The following MTHFD1L variants were observed in gnomAD, a reference collection of about 807,000 sequenced individuals.
The protein encoded by MTHFD1L is monofunctional C1-tetrahydrofolate synthase, mitochondrial.
A neutral mutation model predicts 119.5 loss-of-function variants in MTHFD1L; 81 were observed. That is an observed-to-expected ratio of 0.68 (90% confidence interval 0.57 to 0.82). The LOEUF (loss-of-function observed/expected upper bound fraction) is 0.82, where lower values mean the gene tolerates loss of function less well. Ranked by LOEUF, MTHFD1L falls within the 40% of genes least tolerant of loss-of-function variation. The pLI is 0.00. For missense variants in MTHFD1L, 1,125 were observed against 1,253.4 expected (o/e 0.90, Z 1.55); for synonymous variants, 430 against 475.2 (o/e 0.90, Z 1.24).
chr6:150,918,526 T>C (rs775526496), intron 8 of MTHFD1L, 51 bp from the exon 9 acceptor site: 4 of 1,262,400 alleles, frequency 3.2e-6, no homozygotes, highest in Admixed American at 3.4e-5. Context: ...AGCAATTGGT[T>C]AGAAATGACA....
intron 24 of MTHFD1L, among the ~76,000 whole-genome samples, chr6:151,031,654 C>T (rs1370328698): frequency 6.6e-6 from 1 of 152,102 alleles, no homozygotes; most frequent in Non-Finnish European, 1.5e-5. Context: ...TATTTTTTGA[C>T]CTTATTTATA....
chr6:150,882,441 A>G lies in MTHFD1L; in HGVS notation c.418-321A>G, dbSNP rs574474635. 8.2e-4 allele frequency among the ~76,000 whole-genome samples: 125 copies of G among 152,342 alleles called. 1 individual carries two copies. Among genetic ancestry groups the G allele is most frequent in the African/African-American group, 2.9e-3 (119 of 41,586 alleles). On this transcript the variant is annotated intron_variant, in intron 4 of 27. Transcript: ENST00000367321. ...GTTGACAGAGAAGTGTCCTTTGTCT[A>G]TCTAAACCTTAATAGCTGTTGAGCT...
intron 23 of MTHFD1L, 134 bp from the exon 24 acceptor site, chr6:151,015,382 C>A: frequency 2.0e-6 from 2 of 993,570 alleles, no homozygotes; most frequent in Non-Finnish European, 2.9e-6. Context: ...TTTATTTAAA[C>A]ACGATGTGAC....
rs187595792 is a variant in MTHFD1L at position 151,037,412 on chromosome 6, A to G, written c.2847+295A>G. On this transcript the variant is annotated intron_variant, in intron 26 of 27. Coordinates refer to ENST00000367321, the MANE Select transcript of MTHFD1L (RefSeq NM_015440.5). The stretch of plus-strand genomic sequence containing the variant: ...GAATTCAGTCTGTTATTTAAATGGT[A>G]GAATGGCTTAAGACAGTGGTTGTCA... Among the ~76,000 whole-genome samples, 132 of 152,302 alleles carry G rather than the reference A, an allele frequency of 8.7e-4. 2 individuals carry two copies. The Middle Eastern group carries it at 0.041, about 47-fold the overall frequency.
rs1243561411 is a variant in MTHFD1L, at chr6:151,013,829, A to T, written c.2307+9A>T. ...AAGAATATACAGAGGAGGTAAGAGG[A>T]GCTGTTTAGATGCTTATGTGAAGAA... is the stretch of plus-strand genomic sequence containing the variant. On this transcript the variant is annotated intron_variant, in intron 22 of 27. Transcript: ENST00000367321. The T allele has an allele frequency of 6.2e-7, 1 of 1,609,460 alleles. No homozygotes were observed. The highest frequency in any genetic ancestry group is 8.5e-7 in the Non-Finnish European group (1 of 1,176,660).
rs754017330 is a variant in MTHFD1L at position 150,922,245 on chromosome 6, A to C, written c.1025A>C (p.Gln342Pro). 1 of 1,614,122 alleles carries C rather than the reference A, an allele frequency of 6.2e-7. No homozygotes were observed. ...SSGRRWLREQ[Q>P]HRRWRLHCLK... ...GGAAGGAGATGGCTTCGTGAACAGCAGCACAGGCGGTGGAGACTTCACTGC... is the reference window on the plus strand; with the variant it reads ...GGAAGGAGATGGCTTCGTGAACAGCCGCACAGGCGGTGGAGACTTCACTGC... Residue 342 changes from glutamine (Q) to proline (P), a missense_variant, in exon 10 of 28, where the codon CAG (glutamine) becomes CCG (proline). This residue lies in a region of MTHFD1L where 1,058 missense variants were observed against 1,151.2 expected (regional missense o/e 0.92). Transcript: ENST00000367321.
chr6:150,953,387 C>T (rs1795127676), intron 16 of MTHFD1L, among the ~76,000 whole-genome samples: 2 of 152,196 alleles, frequency 1.3e-5, no homozygotes, highest in South Asian at 2.1e-4. Context: ...CACCCCCACA[C>T]CCACTGGCAT....
intron 8 of MTHFD1L, among the ~76,000 whole-genome samples, chr6:150,907,394 G>T (rs760252483): frequency 6.6e-6 from 1 of 152,150 alleles, no homozygotes; most frequent in Admixed American, 6.6e-5. Context: ...AGACCAAGGC[G>T]TTACAGATGT....
At chr6:150,876,795 T>C (rs1202104669) in intron 2 of MTHFD1L, among the ~76,000 whole-genome samples, 1 of 152,190 alleles carries the variant, frequency 6.6e-6, no homozygotes, top group Non-Finnish European at 1.5e-5. Flanking sequence ...GTTGGGCTGC[T>C]ACCGCAGGGC....
chr6:150,970,903 T>C (rs1412996015), intron 19 of MTHFD1L, among the ~76,000 whole-genome samples: 3 of 152,208 alleles, frequency 2.0e-5, no homozygotes, highest in South Asian at 2.1e-4. Flanking sequence ...AATCTTGACT[T>C]AATTATTAAT....
intron 7 of MTHFD1L, among the ~76,000 whole-genome samples, chr6:150,904,357 G>C (rs1370311369): frequency 6.6e-6 from 1 of 152,076 alleles, no homozygotes; most frequent in Non-Finnish European, 1.5e-5. Flanking sequence ...GAAAGACAGT[G>C]GGGGAAGAGA....
At chr6:151,098,158 AG>A (rs1795048199) in intron 27 of MTHFD1L, among the ~76,000 whole-genome samples, 1 of 152,182 alleles carries the variant, frequency 6.6e-6, no homozygotes, top group Non-Finnish European at 1.5e-5. Context: ...TGGGTGACAG[AG>A]CAAGACTCGG....
intron 26 of MTHFD1L, among the ~76,000 whole-genome samples, chr6:151,041,446 G>T (rs1445917257): frequency 6.6e-6 from 1 of 152,154 alleles, no homozygotes; most frequent in East Asian, 1.9e-4. Context: ...GAAAATTCTA[G>T]CAAAATGAAT....
rs927372594 is a variant in MTHFD1L, at chr6:151,015,807, C to A, written c.2586+114C>A. 8.4e-6 allele frequency: 11 copies of A among 1,302,234 alleles called. No individual in the cohort carries two copies. The African/African-American group carries it at 1.2e-4, about 14-fold the overall frequency. The allele number at this position is 1,302,234 out of a possible 1,614,324, so 80.7% of individuals were successfully genotyped here. ...AAAACTAAAGATAGAAGAGTTTAGG[C>A]CCGGTGCAGTGGCTCACGCCTGTAA... On this transcript the variant is annotated intron_variant, in intron 24 of 27. Coordinates refer to ENST00000367321, the MANE Select transcript of MTHFD1L (RefSeq NM_015440.5).
intron 17 of MTHFD1L, 35 bp from the exon 18 acceptor site, chr6:150,960,240 G>A (rs560055264): frequency 6.3e-7 from 1 of 1,583,086 alleles, no homozygotes; most frequent in East Asian, 2.3e-5. Context: ...CACTGGCACT[G>A]TCGCTGACCA....
At chr6:150,874,785 C>T (rs1166834964) in intron 1 of MTHFD1L, among the ~76,000 whole-genome samples, 3 of 150,636 alleles carry the variant, frequency 2.0e-5, no homozygotes, top group Non-Finnish European at 4.4e-5. Context: ...TTTTTTGAGA[C>T]GGAGTCTTGC....
chr6:150,923,546 T>TTA (rs1486475442), intron 10 of MTHFD1L, among the ~76,000 whole-genome samples: 1 of 89,084 alleles, frequency 1.1e-5, no homozygotes, highest in African/African-American at 5.4e-5. Context: ...TATTTTTTCT[T>TTA]TTTTTTTTTT....
chr6:150,914,149 T>C (rs1436612924), intron 8 of MTHFD1L, among the ~76,000 whole-genome samples: 2 of 151,570 alleles, frequency 1.3e-5, no homozygotes, highest in Admixed American at 1.3e-4. Flanking sequence ...AAACAAAAAT[T>C]AGCCAGGCAT....
chr6:150,960,207 G>T (rs191724468), intron 17 of MTHFD1L, 68 bp from the exon 18 acceptor site: 1 of 1,533,534 alleles, frequency 6.5e-7, no homozygotes, highest in East Asian at 2.3e-5. Flanking sequence ...CTGAAGTCCA[G>T]CTCCTTGTGG....
Sources: allele counts gnomAD v4.1 joint callset (sites outside exome capture counted in the v4.1 genomes callset), GRCh38; gene constraint gnomAD v4.1.1; regional missense constraint gnomAD v4.1.1; transcripts MANE v1.5; gene names NCBI Gene and HGNC (gene_info 2026-07-23, HGNC 2026-07-21).